KATNBL1: variants seen among roughly 807,000 people sequenced by gnomAD.
The protein encoded by KATNBL1 is katanin regulatory subunit B1 like 1.
In KATNBL1, 28 loss-of-function variants were observed where a neutral mutation model predicts 44.7. The observed-to-expected ratio is 0.63, with a 90% confidence interval of 0.46 to 0.86. The LOEUF is 0.86. KATNBL1 is among the 40% of genes least tolerant of loss of function. The probability of loss-of-function intolerance (pLI) is 0.00; values close to 1 mark genes in which losing one functional copy is unlikely to be tolerated. For missense variants in KATNBL1, 272 were observed against 350.7 expected (o/e 0.78, Z 1.79); for synonymous variants, 78 against 114.9 (o/e 0.68, Z 2.06).
chr15:34,180,335 A>G (rs1227108748), intron 1 of KATNBL1, among the ~76,000 whole-genome samples: 2 of 151,944 alleles, frequency 1.3e-5, no homozygotes, highest in African/African-American at 4.8e-5. Flanking sequence ...GATGCTCATC[A>G]AAGTCAGCCA....
chr15:34,202,247 AATG>A lies in KATNBL1; in HGVS notation c.-15+7701_-15+7703del, dbSNP rs531553338. ...CAATAAAGTAGTATTCAACTCTCAAAATGATGAGCTAATATAAATTAATTAAAA... is the reference window on the plus strand; with the variant it reads ...CAATAAAGTAGTATTCAACTCTCAAAATGAGCTAATATAAATTAATTAAAA... On this transcript the variant is annotated intron_variant, in intron 1 of 9. Coordinates refer to ENST00000256544, the MANE Select transcript of KATNBL1 (RefSeq NM_024713.3). 1.2e-3 allele frequency among the ~76,000 whole-genome samples: 187 copies of A among 152,342 alleles called. 1 individual carries two copies. The highest frequency in any genetic ancestry group is 3.4e-3 in the Middle Eastern group (1 of 294).
At chr15:34,208,143 T>C (rs1393619522) in intron 1 of KATNBL1, among the ~76,000 whole-genome samples, 2 of 152,172 alleles carry the variant, frequency 1.3e-5, no homozygotes, top group African/African-American at 4.8e-5. Context: ...TGGTGTTTGG[T>C]TACATGAATC....
intron 1 of KATNBL1, among the ~76,000 whole-genome samples, chr15:34,205,521 T>G (rs1890272236): frequency 6.6e-6 from 1 of 152,152 alleles, no homozygotes; most frequent in African/African-American, 2.4e-5. Flanking sequence ...TCTTACTCTG[T>G]GAGTAAGAGG....
chr15:34,202,172 T>C (rs954506099), intron 1 of KATNBL1, among the ~76,000 whole-genome samples: 6 of 152,226 alleles, frequency 3.9e-5, no homozygotes, highest in Non-Finnish European at 8.8e-5. Context: ...ACTAAAGGTA[T>C]TTCTGATACT....
At chr15:34,192,983 A>G (rs888915517) in intron 1 of KATNBL1, among the ~76,000 whole-genome samples, 1 of 149,244 alleles carries the variant, frequency 6.7e-6, no homozygotes, top group Admixed American at 6.7e-5. Context: ...TTTGGGAGGC[A>G]GAGGCGGGCG....
At chr15:34,189,270 C>A (rs1011123953) in intron 1 of KATNBL1, among the ~76,000 whole-genome samples, 2 of 152,200 alleles carry the variant, frequency 1.3e-5, no homozygotes, top group Non-Finnish European at 2.9e-5. Context: ...GTTATCCGCC[C>A]GCCTCAGCCT....
intron 1 of KATNBL1, among the ~76,000 whole-genome samples, chr15:34,179,110 T>C (rs1200317553): frequency 6.6e-6 from 1 of 152,228 alleles, no homozygotes; most frequent in East Asian, 1.9e-4. Context: ...ATGGTTGTCT[T>C]AGCTCGTTTT....
chr15:34,169,764 GGATGCAAGGCTGGTTCAACA>G, intron 1 of KATNBL1, among the ~76,000 whole-genome samples: 2 of 152,224 alleles, frequency 1.3e-5, no homozygotes, highest in East Asian at 3.9e-4. Flanking sequence ...TTCATCCCTG[GGATGCAAGGCTGGTTCAACA>G]GATGCAAATC....
chr15:34,162,558 T>G (rs1291661770), intron 2 of KATNBL1, among the ~76,000 whole-genome samples: 1 of 152,194 alleles, frequency 6.6e-6, no homozygotes, highest in Non-Finnish European at 1.5e-5. Flanking sequence ...GCAAATTATA[T>G]TGTAACTTAC....
chr15:34,156,400 A>G (rs1888640073), intron 2 of KATNBL1, among the ~76,000 whole-genome samples: 4 of 152,370 alleles, frequency 2.6e-5, no homozygotes, highest in Admixed American at 2.6e-4. Context: ...GAGGACCATC[A>G]TAGTGGAAAG....
intron 1 of KATNBL1, among the ~76,000 whole-genome samples, chr15:34,202,187 A>G (rs1332111112): frequency 6.6e-6 from 1 of 152,194 alleles, no homozygotes; most frequent in Non-Finnish European, 1.5e-5. Flanking sequence ...GATACTTTCA[A>G]AACCAATAGA....
intron 4 of KATNBL1, among the ~76,000 whole-genome samples, chr15:34,151,435 AC>A (rs1567518062): frequency 3.8e-4 from 24 of 63,844 alleles, no homozygotes; most frequent in South Asian, 1.9e-3. Context: ...TCCTTTGCCT[AC>A]TTTTTTTTTT....
At chr15:34,179,458 G>A (rs933682512) in intron 1 of KATNBL1, among the ~76,000 whole-genome samples, 5 of 152,054 alleles carry the variant, frequency 3.3e-5, no homozygotes, top group South Asian at 2.1e-4. Context: ...TTTCCAACAC[G>A]TGAACTCTGG....
intron 1 of KATNBL1, among the ~76,000 whole-genome samples, chr15:34,204,992 T>G (rs924423788): frequency 1.3e-5 from 2 of 150,704 alleles, no homozygotes; most frequent in Non-Finnish European, 1.5e-5. Context: ...AGGGACAGTT[T>G]TTTTTTTTTT....
At chr15:34,152,681 A>G (rs375550564) in intron 4 of KATNBL1, 109 bp downstream of exon 4, 7 of 860,172 alleles carry the variant, frequency 8.1e-6, no homozygotes, top group Middle Eastern at 2.3e-4. Flanking sequence ...AAATAAGTCT[A>G]CATTCAATAG....
At chr15:34,172,274 T>TTTTTTTTTTG (rs1950953442) in intron 1 of KATNBL1, among the ~76,000 whole-genome samples, 2 of 146,960 alleles carry the variant, frequency 1.4e-5, no homozygotes, top group East Asian at 2.0e-4. Flanking sequence ...TTTTTTTTTT[T>TTTTTTTTTTG]GAGATGGAGT....
chr15:34,186,014 G>A (rs1282975681), intron 1 of KATNBL1, among the ~76,000 whole-genome samples: 1 of 152,188 alleles, frequency 6.6e-6, no homozygotes, highest in Non-Finnish European at 1.5e-5. Context: ...TTAAGATCGG[G>A]AGGGTCAATT....
intron 1 of KATNBL1, among the ~76,000 whole-genome samples, chr15:34,171,104 G>C (rs1889144524): frequency 6.6e-6 from 1 of 152,124 alleles, no homozygotes; most frequent in South Asian, 2.1e-4. Flanking sequence ...TTAAACTAAA[G>C]AGCTTCTGCA....
At chr15:34,207,934 G>C (rs902279867) in intron 1 of KATNBL1, among the ~76,000 whole-genome samples, 1 of 152,056 alleles carries the variant, frequency 6.6e-6, no homozygotes, top group Non-Finnish European at 1.5e-5. Flanking sequence ...CATAAATCCT[G>C]CAATTGTTAG....
Sources: gnomAD v4.1 joint callset for allele counts (sites outside exome capture counted in the v4.1 genomes callset) on GRCh38, gnomAD v4.1.1 for gene constraint, MANE v1.5 for transcripts, NCBI Gene and HGNC (gene_info 2026-07-23, HGNC 2026-07-21) for gene names.